RGS20: variants seen among roughly 807,000 people sequenced by gnomAD.
RGS20 encodes the protein gz-selective GTPase-activating protein.
RGS20 carries 30 observed loss-of-function variants against 33.6 expected under a neutral mutation model. The observed-to-expected ratio is 0.89, with a 90% CI of 0.67 to 1.21. The LOEUF (loss-of-function observed/expected upper bound fraction) is 1.21. Ranked by LOEUF, RGS20 falls within the 50% of genes most tolerant of loss-of-function variation. The pLI is 0.00. For missense variants in RGS20, 472 were observed against 502.4 expected (o/e 0.94, Z 0.58); for synonymous variants, 208 against 197.9 (o/e 1.05, Z -0.43).
intron 2 of RGS20, among the ~76,000 whole-genome samples, chr8:53,902,730 T>TC (rs1813063948): frequency 7.0e-6 from 1 of 143,282 alleles, no homozygotes; most frequent in Non-Finnish European, 1.5e-5. Context: ...AATGATTGGT[T>TC]CTTTTTTTTT....
At chr8:53,878,204 G>T (rs1303549462) in intron 1 of RGS20, among the ~76,000 whole-genome samples, 1 of 152,180 alleles carries the variant, frequency 6.6e-6, no homozygotes, top group Non-Finnish European at 1.5e-5. Context: ...GATTGGCCGA[G>T]CTACATTCCG....
chr8:53,908,940 A>T (rs1278029180), intron 2 of RGS20, among the ~76,000 whole-genome samples: 2 of 152,118 alleles, frequency 1.3e-5, no homozygotes, highest in Non-Finnish European at 2.9e-5. Flanking sequence ...AATAAAATTT[A>T]AAATATTGGC....
chr8:53,888,617 C>A (rs967710062), intron 2 of RGS20, among the ~76,000 whole-genome samples: 1 of 152,144 alleles, frequency 6.6e-6, no homozygotes, highest in African/African-American at 2.4e-5. Flanking sequence ...TGTCTCTAGA[C>A]ATTGCCAAGC....
At chr8:53,855,787 A>G (rs1811657385) in intron 1 of RGS20, among the ~76,000 whole-genome samples, 1 of 152,214 alleles carries the variant, frequency 6.6e-6, no homozygotes, top group African/African-American at 2.4e-5. Context: ...GCAAACCTCT[A>G]AAGGCAGGTT....
At chr8:53,922,590 A>G (rs1813679188) in intron 2 of RGS20, among the ~76,000 whole-genome samples, 1 of 151,766 alleles carries the variant, frequency 6.6e-6, no homozygotes, top group Non-Finnish European at 1.5e-5. Flanking sequence ...TTCCTCCCTT[A>G]TTAACTTCCT....
rs370091533 is a variant in RGS20 at position 53,871,112 on chromosome 8, C to CAAA, written c.166-8119_166-8117dup. Among the ~76,000 whole-genome samples the CAAA allele has an allele frequency of 5.2e-3, 111 of 21,458 alleles. 12 individuals carry two copies. Among genetic ancestry groups the CAAA allele is most frequent in the African/African-American group, 9.2e-3 (83 of 9,060 alleles). The allele number at this position is 21,458 out of a possible 152,430, so 14.1% of individuals were successfully genotyped here. ...GGTGACAGAGTGAGACTCCATCTCA[C>CAAA]AAAAAAAAAAAAAAAAAAAAAAAAA... On this transcript the variant is annotated intron_variant, in intron 1 of 5. Transcript: ENST00000297313.
chr8:53,875,702 A>G (rs2129272709), intron 1 of RGS20, among the ~76,000 whole-genome samples: 1 of 152,274 alleles, frequency 6.6e-6, no homozygotes, highest in East Asian at 1.9e-4. Flanking sequence ...TCCTTATGAC[A>G]TCTCCATGTA....
intron 2 of RGS20, chr8:53,886,932 GGTGATAAT>G (rs1812562620): frequency 6.6e-6 from 1 of 152,114 alleles, no homozygotes; most frequent in Non-Finnish European, 1.5e-5. Context: ...CTCAGGGTGG[GGTGATAAT>G]GTGATTTAAG....
intron 2 of RGS20, chr8:53,933,801 A>T (rs1814046233): frequency 6.6e-6 from 1 of 152,200 alleles, no homozygotes; most frequent in Non-Finnish European, 1.5e-5. Context: ...CAAGACTCAT[A>T]ATCATCAGAT....
intron 3 of RGS20, among the ~76,000 whole-genome samples, chr8:53,940,708 C>T (rs971134476): frequency 5.9e-5 from 9 of 152,266 alleles, no homozygotes; most frequent in East Asian, 1.9e-4. Context: ...AAGGGGATCC[C>T]GATACCGATG....
intron 2 of RGS20, chr8:53,880,970 G>C (rs1812351829): frequency 1.3e-6 from 2 of 1,584,836 alleles, no homozygotes; most frequent in African/African-American, 1.3e-5. Flanking sequence ...GACGTAGAGA[G>C]GGCAGCCCTC....
chr8:53,864,910 C>G (rs766698081), intron 1 of RGS20, among the ~76,000 whole-genome samples: 1 of 152,148 alleles, frequency 6.6e-6, no homozygotes, highest in Non-Finnish European at 1.5e-5. Context: ...TCCAACTTCC[C>G]CAAGAAAACA....
intron 2 of RGS20, among the ~76,000 whole-genome samples, chr8:53,935,636 C>T (rs559255122): frequency 6.6e-6 from 1 of 152,028 alleles, no homozygotes; most frequent in South Asian, 2.1e-4. Context: ...CAAAAAAAGG[C>T]CCAGGACCAG....
chr8:53,958,380 C>T lies in RGS20; in HGVS notation c.1089C>T (p.Asp363=), dbSNP rs982199927. 4 of 1,613,572 alleles carry T rather than the reference C, an allele frequency of 2.5e-6. No homozygotes were observed. The highest frequency in any genetic ancestry group is 3.4e-6 in the Non-Finnish European group (4 of 1,179,696). The change falls in exon 6 of 6, where the codon GAC becomes GAT. Residue 363 remains aspartate (D), a synonymous_variant. Coordinates refer to ENST00000297313, the MANE Select transcript of RGS20 (RefSeq NM_170587.4). ...AGATTTACACCCTGATGCACAGAGACTCATATCCTCGATTCATGAACTCTG... is the reference window on the plus strand; with the variant it reads ...AGATTTACACCCTGATGCACAGAGATTCATATCCTCGATTCATGAACTCTG...
At chr8:53,946,975 C>T (rs1000947006) in intron 4 of RGS20, among the ~76,000 whole-genome samples, 1 of 150,950 alleles carries the variant, frequency 6.6e-6, no homozygotes, top group Admixed American at 6.6e-5. Context: ...TTGCTAATTG[C>T]AAATACAAAT....
At chr8:53,924,894 C>A (rs144436857) in intron 2 of RGS20, among the ~76,000 whole-genome samples, 33 of 152,332 alleles carry the variant, frequency 2.2e-4, no homozygotes, top group Non-Finnish European at 3.7e-4. Context: ...CTAGCCTCAG[C>A]AGAGGTCAGC....
At chr8:53,956,035 C>T (rs186293441) in intron 5 of RGS20, among the ~76,000 whole-genome samples, 1 of 152,226 alleles carries the variant, frequency 6.6e-6, no homozygotes, top group Admixed American at 6.5e-5. Flanking sequence ...ACTCTCAGCA[C>T]TCACTGGGGC....
chr8:53,934,745 C>T (rs1814081056), intron 2 of RGS20, among the ~76,000 whole-genome samples: 1 of 152,208 alleles, frequency 6.6e-6, no homozygotes, highest in African/African-American at 2.4e-5. Flanking sequence ...GAACTCAGCT[C>T]TGGACCAAGC....
rs749812922 is a variant in RGS20 at position 53,879,343 on chromosome 8, G to A, written c.251G>A (p.Arg84Lys). 48 of 1,612,532 alleles carry A rather than the reference G, an allele frequency of 3.0e-5. No homozygotes were observed. The highest frequency in any genetic ancestry group is 5.0e-5 in the Admixed American group (3 of 59,992). The change falls in exon 2 of 6, where the codon AGG becomes AAG. Residue 84 changes from arginine to lysine, a missense_variant. Around this residue, in one of 3 missense-constraint regions of RGS20, gnomAD observed 319 missense variants for 283.4 expected, o/e 1.13. Coordinates refer to ENST00000297313, the MANE Select transcript of RGS20 (RefSeq NM_170587.4). ...TCTAGCCCGCTTTCCAGCCTCGCAA[G>A]GTTCTTCTCTCACCTTCTCCGGCGA...
Sources: gnomAD v4.1 joint callset for allele counts (sites outside exome capture counted in the v4.1 genomes callset) on GRCh38, gnomAD v4.1.1 for gene constraint, gnomAD v4.1.1 regional missense constraint, MANE v1.5 for transcripts, NCBI Gene and HGNC (gene_info 2026-07-23, HGNC 2026-07-21) for gene names.